CNTN4: variants seen among roughly 807,000 people sequenced by gnomAD.
The protein encoded by CNTN4 is contactin 4.
CNTN4 carries 77 observed loss-of-function variants against 122.5 expected under a neutral mutation model. That is an observed-to-expected ratio of 0.63 (90% CI 0.52 to 0.76). CNTN4 has a LOEUF of 0.76. CNTN4 is among the 30% of genes least tolerant of loss of function. The pLI, the probability that CNTN4 is intolerant of heterozygous loss-of-function variation, is 0.00. For missense variants in CNTN4, 1,256 were observed against 1,259.1 expected, an observed-to-expected ratio of 1.00 and a Z score of 0.04; for synonymous variants, 512 against 447.0, an observed-to-expected ratio of 1.15 and a Z score of -1.83.
chr3:2,537,190 A>G (rs1424774863), intron 3 of CNTN4, among the ~76,000 whole-genome samples: 2 of 152,068 alleles, frequency 1.3e-5, no homozygotes, highest in African/African-American at 4.8e-5. Flanking sequence ...CATACACTAT[A>G]TTTGTACTGG....
intron 3 of CNTN4, among the ~76,000 whole-genome samples, chr3:2,530,641 C>G (rs1329405280): frequency 6.6e-6 from 1 of 152,040 alleles, no homozygotes; most frequent in Non-Finnish European, 1.5e-5. Flanking sequence ...TTGATTGGGA[C>G]TATGGCCTCT....
intron 15 of CNTN4, 97 bp downstream of exon 15, chr3:3,026,374 C>G (rs1257716188): frequency 2.0e-5 from 21 of 1,074,504 alleles, no homozygotes; most frequent in Non-Finnish European, 1.5e-5. Flanking sequence ...TTCAAGTAAT[C>G]TTATGGCAAG....
At chr3:2,191,028 G>A (rs897019247) in intron 2 of CNTN4, among the ~76,000 whole-genome samples, 3 of 151,956 alleles carry the variant, frequency 2.0e-5, no homozygotes, top group South Asian at 4.1e-4. Flanking sequence ...ATTTCCCAGG[G>A]CTTGACTCTC....
chr3:2,773,130 G>C (rs1049282970), intron 6 of CNTN4, among the ~76,000 whole-genome samples: 10 of 152,060 alleles, frequency 6.6e-5, no homozygotes, highest in Admixed American at 3.3e-4. Context: ...CTTTTGGTGG[G>C]GGGGGTTGCA....
At chr3:2,526,528 T>C (rs17015749) in intron 3 of CNTN4, among the ~76,000 whole-genome samples, 6,110 of 152,216 alleles carry the variant, frequency 0.04, 170 homozygotes, top group East Asian at 0.14. Flanking sequence ...ACTTACATAG[T>C]AACTAGGATA....
chr3:3,053,996 C>T (rs1482509861), intron 24 of CNTN4, 21 bp downstream of exon 24: 16 of 1,612,584 alleles, frequency 9.9e-6, no homozygotes, highest in Non-Finnish European at 1.2e-5. Context: ...CTTTTTTTCT[C>T]CCTTTTCTCC....
intron 23 of CNTN4, among the ~76,000 whole-genome samples, chr3:3,048,450 C>A (rs2125855698): frequency 6.6e-6 from 1 of 151,986 alleles, no homozygotes; most frequent in Non-Finnish European, 1.5e-5. Context: ...TTAGGGAGGT[C>A]CTGAAGCCAG....
chr3:2,974,880 A>G (rs1248550980), intron 13 of CNTN4, among the ~76,000 whole-genome samples: 1 of 152,232 alleles, frequency 6.6e-6, no homozygotes, highest in African/African-American at 2.4e-5. Flanking sequence ...AAAGAGTTGC[A>G]AATTGGATGC....
chr3:3,050,051 G>A (rs1701096012), intron 23 of CNTN4, among the ~76,000 whole-genome samples: 3 of 152,246 alleles, frequency 2.0e-5, no homozygotes, highest in South Asian at 2.1e-4. Flanking sequence ...GAGCTGACTC[G>A]CCCTTTTACA....
intron 24 of CNTN4, among the ~76,000 whole-genome samples, chr3:3,055,268 C>T (rs202041833): frequency 2.0e-5 from 2 of 99,526 alleles, no homozygotes; most frequent in Non-Finnish European, 4.6e-5. Flanking sequence ...GGGCTTATCT[C>T]GCTTCATTAA....
chr3:2,486,954 T>TA (rs999722699), intron 3 of CNTN4, among the ~76,000 whole-genome samples: 9 of 152,138 alleles, frequency 5.9e-5, no homozygotes, highest in South Asian at 2.1e-4. Context: ...TGTTCTTTTT[T>TA]AAAAAAAATA....
At chr3:2,689,471 C>A (rs1045065967) in intron 4 of CNTN4, among the ~76,000 whole-genome samples, 2 of 152,104 alleles carry the variant, frequency 1.3e-5, no homozygotes, top group African/African-American at 4.8e-5. Flanking sequence ...TCCTCCCAGT[C>A]CAGAGGAAAC....
intron 2 of CNTN4, among the ~76,000 whole-genome samples, chr3:2,211,554 A>G (rs1383101549): frequency 6.6e-6 from 1 of 152,330 alleles, no homozygotes; most frequent in Non-Finnish European, 1.5e-5. Flanking sequence ...CCCCTTTTAA[A>G]AAATTTTCAT....
intron 2 of CNTN4, among the ~76,000 whole-genome samples, chr3:2,180,423 A>G (rs542974618): frequency 2.0e-5 from 3 of 152,182 alleles, no homozygotes; most frequent in East Asian, 1.9e-4. Context: ...AAACTTGGCT[A>G]TCATCTTTGA....
intron 3 of CNTN4, among the ~76,000 whole-genome samples, chr3:2,541,505 C>T (rs185788330): frequency 3.3e-5 from 5 of 152,176 alleles, no homozygotes; most frequent in Admixed American, 1.3e-4. Context: ...AGTAAAGCTT[C>T]GTTCTCCCTA....
chr3:2,261,859 G>T (rs2040845717), intron 2 of CNTN4, among the ~76,000 whole-genome samples: 1 of 152,118 alleles, frequency 6.6e-6, no homozygotes, highest in Admixed American at 6.6e-5. Flanking sequence ...GAGTATCTGT[G>T]TGTGGGATGC....
At position 2,903,019 on chromosome 3, in the gene CNTN4, C is replaced by A; in HGVS notation, c.1207+14C>A. 1.9e-6 allele frequency: 3 copies of A among 1,612,300 alleles called. No homozygotes were observed. Among genetic ancestry groups the A allele is most frequent in the Non-Finnish European group, 2.5e-6 (3 of 1,178,980 alleles). ...TTAGTGTTATAGGTGAGTCTTTATA[C>A]TGGCAAGAAAAAAAAATTAAAACTC... On this transcript the variant is annotated intron_variant, in intron 12 of 24. Transcript: ENST00000418658.
At position 3,037,198 on chromosome 3, in the gene CNTN4, G is replaced by T. The variant is rs1246734030; in HGVS notation, c.1962G>T (p.Gly654=). 2 of 1,614,090 alleles carry T rather than the reference G, an allele frequency of 1.2e-6. No individual in the cohort carries two copies. The highest frequency in any genetic ancestry group is 1.7e-5 in the Admixed American group (1 of 60,010). ...AVSTVPELID[G]KTFTATVVGL... is the part of the protein sequence containing the mutation. ...TTTCAGTCCCAGAACTCATTGATGGGAAGACATTCACAGCGACCGTGGTGG... is the reference window on the plus strand; with the variant it reads ...TTTCAGTCCCAGAACTCATTGATGGTAAGACATTCACAGCGACCGTGGTGG... Residue 654 remains glycine, a synonymous_variant, in exon 18 of 25, where the codon GGG becomes GGT. Coordinates refer to ENST00000418658, the MANE Select transcript of CNTN4 (RefSeq NM_175607.3).
intron 3 of CNTN4, among the ~76,000 whole-genome samples, chr3:2,494,407 T>C (rs561968875): frequency 2.0e-5 from 3 of 152,324 alleles, no homozygotes; most frequent in African/African-American, 7.2e-5. Flanking sequence ...TGGCAGTCCT[T>C]TGACAGGGTT....
Sources: gnomAD v4.1 joint callset for allele counts (sites outside exome capture counted in the v4.1 genomes callset) on GRCh38, gnomAD v4.1.1 for gene constraint, MANE v1.5 for transcripts, NCBI Gene and HGNC (gene_info 2026-07-23, HGNC 2026-07-21) for gene names.